The following EEF1AKMT2 variants were observed in gnomAD, a reference collection of about 807,000 sequenced individuals.
The protein encoded by EEF1AKMT2 is EEF1A lysine methyltransferase 2.
EEF1AKMT2 carries 32 observed loss-of-function variants against 35.8 expected under a neutral mutation model. The observed-to-expected ratio is 0.89, with a 90% CI of 0.67 to 1.20. The LOEUF (loss-of-function observed/expected upper bound fraction) is 1.20. Among genes scored for constraint, EEF1AKMT2 ranks in the 50% most tolerant of loss-of-function variants. The pLI is 0.00. For synonymous variants in EEF1AKMT2, 121 were observed against 133.7 expected (o/e 0.91, Z 0.65); for missense variants, 330 against 347.5 (o/e 0.95, Z 0.40).
At chr10:124,763,849 C>CT (rs879643839) in intron 5 of EEF1AKMT2, among the ~76,000 whole-genome samples, 7 of 152,194 alleles carry the variant, frequency 4.6e-5, no homozygotes, top group Non-Finnish European at 8.8e-5. Flanking sequence ...AGAGGAAAGA[C>CT]TTATTGATAC....
intron 4 of EEF1AKMT2, among the ~76,000 whole-genome samples, chr10:124,767,644 A>G (rs1950391089): frequency 6.6e-6 from 1 of 152,202 alleles, no homozygotes; most frequent in African/African-American, 2.4e-5. Flanking sequence ...AAAGCCAGAG[A>G]AATAAGACAT....
In EEF1AKMT2 at chr10:124,789,082, A is replaced by G. The variant is rs1950612783; in HGVS notation, c.252T>C (p.Leu84=). ...KHKIPLDASV[L]DIGTGNGVFL... is the part of the protein sequence containing the mutation. ...AAACACCATTTCCAGTTCCAATATCAAGCACTGAAGCATCCAGTGGAATCT... is the reference window on the plus strand; with the variant it reads ...AAACACCATTTCCAGTTCCAATATCGAGCACTGAAGCATCCAGTGGAATCT... Residue 84 remains leucine (L), a synonymous_variant, in exon 3 of 7, where the codon CTT becomes CTC. Coordinates refer to ENST00000368836, the MANE Select transcript of EEF1AKMT2 (RefSeq NM_212554.4). 1.2e-6 allele frequency: 2 copies of G among 1,613,244 alleles called. No homozygotes were observed. Among genetic ancestry groups the G allele is most frequent in the Non-Finnish European group, 1.7e-6 (2 of 1,179,608 alleles).
chr10:124,791,671 G>A (rs569266385), intron 1 of EEF1AKMT2, 53 bp downstream of exon 1: 1 of 1,541,148 alleles, frequency 6.5e-7, no homozygotes. Flanking sequence ...CCCCTTCTCG[G>A]GGCCCAGGCA....
rs1564900543 is a variant in EEF1AKMT2, at chr10:124,765,446, G to GA, written c.561dup (p.Leu188SerfsTer6). On this transcript the variant is annotated frameshift_variant, in exon 5 of 7. Coordinates refer to ENST00000368836, the MANE Select transcript of EEF1AKMT2 (RefSeq NM_212554.4). LOFTEE classifies it high-confidence loss of function. ...TTGGTCCAATTACATGACGTTATTA[G>GA]AAAAAAGCCTTTTACTTTCAACACC... 2 of 1,613,876 alleles carry GA rather than the reference G, an allele frequency of 1.2e-6. No homozygotes were observed. Among genetic ancestry groups the GA allele is most frequent in the Admixed American group, 1.7e-5 (1 of 60,012 alleles).
At chr10:124,765,705 A>C (rs1244547855) in intron 4 of EEF1AKMT2, 97 bp from the exon 5 acceptor site, 32 of 813,792 alleles carry the variant, frequency 3.9e-5, no homozygotes, top group Non-Finnish European at 5.7e-5. Context: ...AAAAGGACCC[A>C]TTAATTATAA....
chr10:124,789,658 G>A (rs1029339663), intron 2 of EEF1AKMT2, among the ~76,000 whole-genome samples: 9 of 151,704 alleles, frequency 5.9e-5, no homozygotes, highest in Non-Finnish European at 8.8e-5. Flanking sequence ...AGGAGGCTGT[G>A]GCGGGAGGAT....
Position 124,790,312 on chromosome 10 carries a change from A to C in EEF1AKMT2, c.137T>G (p.Leu46Arg). The change falls in exon 2 of 7, where the codon CTG (leucine) becomes CGG (arginine). Residue 46 changes from leucine to arginine, a missense_variant. Leu to Arg is a moderately radical substitution (Grantham distance 102, BLOSUM62 -2). Transcript: ENST00000368836. ...EHWDAVYERE[L>R]QTFREYGDTG... ...ATCTCCATATTCTCGGAAAGTTTGC[A>C]GTTCTCTCTCATAGACAGCATCCCA... is the stretch of plus-strand genomic sequence containing the variant. The C allele has an allele frequency of 6.2e-7, 1 of 1,612,824 alleles. No individual in the cohort carries two copies. Among genetic ancestry groups the C allele is most frequent in the Non-Finnish European group, 8.5e-7 (1 of 1,178,846 alleles).
chr10:124,772,319 G>A (rs1184225879), intron 4 of EEF1AKMT2, among the ~76,000 whole-genome samples: 8 of 151,606 alleles, frequency 5.3e-5, no homozygotes, highest in African/African-American at 1.9e-4. Context: ...CAGCTTCACT[G>A]GTTATTTCCT....
chr10:124,778,355 G>A (rs913077767), intron 3 of EEF1AKMT2, among the ~76,000 whole-genome samples: 2 of 152,092 alleles, frequency 1.3e-5, no homozygotes, highest in African/African-American at 4.8e-5. Flanking sequence ...TCAGATTCAA[G>A]AAACAGTATA....
At chr10:124,791,588 G>A (rs1950635078) in intron 1 of EEF1AKMT2, 136 bp downstream of exon 1, 1 of 1,275,806 alleles carries the variant, frequency 7.8e-7, no homozygotes, top group Admixed American at 2.4e-5. Context: ...TAAGCCCCCC[G>A]CCAGGTGGCC....
At chr10:124,785,895 CAA>C (rs34637624) in intron 3 of EEF1AKMT2, among the ~76,000 whole-genome samples, 6 of 59,476 alleles carry the variant, frequency 1.0e-4, no homozygotes, top group African/African-American at 2.9e-4. Context: ...GACTCTGTCT[CAA>C]AAAAAAAAAA....
chr10:124,768,352 T>C (rs772138664), intron 4 of EEF1AKMT2, among the ~76,000 whole-genome samples: 5 of 152,274 alleles, frequency 3.3e-5, no homozygotes, highest in Non-Finnish European at 4.4e-5. Flanking sequence ...CTCATGCCCA[T>C]AATCCCAGCA....
At chr10:124,783,336 G>A (rs776682397) in intron 3 of EEF1AKMT2, among the ~76,000 whole-genome samples, 11 of 151,954 alleles carry the variant, frequency 7.2e-5, no homozygotes, top group African/African-American at 1.7e-4. Context: ...TAGCGACAGG[G>A]TTTCACCATG....
In EEF1AKMT2 at chr10:124,765,583, G is replaced by A. The variant is rs769709423; in HGVS notation, c.425C>T (p.Thr142Ile). ...LKVEDFLNLS[T>I]QLSGFHICID... ...ACAAATATGAAATCCAGACAGCTGT[G>A]TGGAGAGATTCAAAAAGTCTTCTAC... Residue 142 changes from threonine (T) to isoleucine (I), a missense_variant, in exon 5 of 7, where the codon ACA becomes ATA. Coordinates refer to ENST00000368836, the MANE Select transcript of EEF1AKMT2 (RefSeq NM_212554.4). 8.1e-6 allele frequency: 13 copies of A among 1,613,616 alleles called. No homozygotes were observed. The highest frequency in any genetic ancestry group is 1.1e-5 in the Non-Finnish European group (13 of 1,179,760).
intron 4 of EEF1AKMT2, among the ~76,000 whole-genome samples, chr10:124,774,391 A>AG (rs1589785608): frequency 1.4e-5 from 2 of 147,902 alleles, no homozygotes; most frequent in East Asian, 3.9e-4. Context: ...AAAAAAAAAA[A>AG]AAAAAAAAAA....
intron 3 of EEF1AKMT2, among the ~76,000 whole-genome samples, chr10:124,788,126 A>G (rs2134145195): frequency 6.6e-6 from 1 of 152,322 alleles, no homozygotes; most frequent in East Asian, 1.9e-4. Flanking sequence ...GGCCCAGAAC[A>G]TAAAATACTG....
At chr10:124,781,433 G>C (rs1294741389) in intron 3 of EEF1AKMT2, among the ~76,000 whole-genome samples, 1 of 151,580 alleles carries the variant, frequency 6.6e-6, no homozygotes, top group Non-Finnish European at 1.5e-5. Flanking sequence ...ACAAAAAGTA[G>C]CCGGGTGTGG....
chr10:124,762,364 C>T lies in EEF1AKMT2; in HGVS notation c.811G>A (p.Asp271Asn), dbSNP rs1442898259. 6 of 1,261,446 alleles carry T rather than the reference C, an allele frequency of 4.8e-6. No homozygotes were observed. The African/African-American group carries it at 9.2e-5, about 19-fold the overall frequency. The allele number at this position is 1,261,446 out of a possible 1,614,324, so 78.1% of individuals were successfully genotyped here. A position where few individuals can be genotyped will look rare whatever the true frequency, so the allele number is the denominator to read the frequency against. Reference sequence around the variant, plus strand: ...ACTTTGGGAGGCCAGGTGGGAGAATCACTTGAGCCCAGGAGTTCCAGACCA... The same window carrying T: ...ACTTTGGGAGGCCAGGTGGGAGAATTACTTGAGCCCAGGAGTTCCAGACCA... Reference protein sequence around the residue: ...QAGLELLGSSDSPTWPPKVLG... With the variant: ...QAGLELLGSSNSPTWPPKVLG... The change falls in exon 6 of 7, where the codon GAT becomes AAT. Residue 271 changes from aspartate (D) to asparagine (N), a missense_variant. Coordinates refer to ENST00000368836, the MANE Select transcript of EEF1AKMT2 (RefSeq NM_212554.4).
intron 3 of EEF1AKMT2, among the ~76,000 whole-genome samples, chr10:124,780,617 C>G (rs1002087404): frequency 6.7e-6 from 1 of 150,198 alleles, no homozygotes; most frequent in African/African-American, 2.5e-5. Context: ...TGTGGAGCAA[C>G]AGAAAAATTG....
Sources: allele counts gnomAD v4.1 joint callset (sites outside exome capture counted in the v4.1 genomes callset), GRCh38; gene constraint gnomAD v4.1.1; transcripts MANE v1.5; gene names NCBI Gene and HGNC (gene_info 2026-07-23, HGNC 2026-07-21).